The following PHF24 variants were observed in gnomAD, a reference collection of about 807,000 sequenced individuals.
PHF24 encodes Galpha inhibitory interacting protein.
A neutral mutation model predicts 42.6 loss-of-function variants in PHF24; 25 were observed. That is an observed-to-expected ratio of 0.59 (90% CI 0.43 to 0.82). PHF24 has a LOEUF of 0.82. Ranked by LOEUF, PHF24 falls within the 40% of genes least tolerant of loss-of-function variation. The probability of loss-of-function intolerance (pLI) is 0.00; values close to 1 mark genes in which losing one functional copy is unlikely to be tolerated. For synonymous variants in PHF24, 185 were observed against 204.8 expected (o/e 0.90, Z 0.83); for missense variants, 470 against 538.1 (o/e 0.87, Z 1.25).
the PHF24 span, among the ~76,000 whole-genome samples, chr9:34,856,382 T>C: frequency 1.3e-5 from 2 of 152,236 alleles, no homozygotes; most frequent in Non-Finnish European, 2.9e-5. Context: ...TATTTTTGTG[T>C]TGATTCTTTC....
chr9:34,764,563 A>C, the PHF24 span, among the ~76,000 whole-genome samples: 1 of 151,540 alleles, frequency 6.6e-6, no homozygotes, highest in Non-Finnish European at 1.5e-5. Context: ...ATCATTTTTT[A>C]TTGCGTCTAT....
the PHF24 span, among the ~76,000 whole-genome samples, chr9:34,823,583 C>A: frequency 6.6e-6 from 1 of 152,102 alleles, no homozygotes; most frequent in Non-Finnish European, 1.5e-5. Context: ...ATGTTCCATC[C>A]TGGAGACGTT....
At chr9:34,927,179 C>T in the PHF24 span, among the ~76,000 whole-genome samples, 1 of 152,176 alleles carries the variant, frequency 6.6e-6, no homozygotes, top group Non-Finnish European at 1.5e-5. Context: ...GACTGTTCAT[C>T]TGGCTGGAAG....
At chr9:34,717,618 C>T in the PHF24 span, among the ~76,000 whole-genome samples, 12 of 152,112 alleles carry the variant, frequency 7.9e-5, no homozygotes, top group African/African-American at 2.9e-4. Flanking sequence ...GCACGTGAAA[C>T]CAAAGCTATC....
the PHF24 span, among the ~76,000 whole-genome samples, chr9:34,745,834 G>T: frequency 6.6e-6 from 1 of 152,058 alleles, no homozygotes; most frequent in Middle Eastern, 3.4e-3. Context: ...CATTTCTCCT[G>T]CCAAGAACAA....
the PHF24 span, among the ~76,000 whole-genome samples, chr9:34,775,753 C>T: frequency 6.1e-4 from 93 of 152,226 alleles, no homozygotes; most frequent in African/African-American, 2.0e-3. Flanking sequence ...CCTAGATATT[C>T]GCCCAAGAGA....
At chr9:34,854,315 A>T in the PHF24 span, among the ~76,000 whole-genome samples, 3 of 144,158 alleles carry the variant, frequency 2.1e-5, no homozygotes, top group Non-Finnish European at 4.5e-5. Context: ...GTCTTCTGCT[A>T]GCTTTGGGAT....
chr9:34,859,338 G>T, the PHF24 span, among the ~76,000 whole-genome samples: 1 of 152,142 alleles, frequency 6.6e-6, no homozygotes, highest in Admixed American at 6.6e-5. Context: ...AATAAGGGTT[G>T]CTCTGTTCCT....
At chr9:34,776,597 TG>T in the PHF24 span, among the ~76,000 whole-genome samples, 1 of 152,236 alleles carries the variant, frequency 6.6e-6, no homozygotes, top group East Asian at 1.9e-4. Context: ...TATCCTGAAT[TG>T]TTTTCTGATT....
chr9:34,861,500 T>C, the PHF24 span, among the ~76,000 whole-genome samples: 13 of 152,248 alleles, frequency 8.5e-5, no homozygotes, highest in South Asian at 2.5e-3. Flanking sequence ...ACTTCTTCTG[T>C]GCCATAAAGT....
At chr9:34,711,140 A>G in the PHF24 span, among the ~76,000 whole-genome samples, 1 of 152,116 alleles carries the variant, frequency 6.6e-6, no homozygotes, top group Non-Finnish European at 1.5e-5. Context: ...ATCTTTATAC[A>G]TTGTGTTCCC....
chr9:34,690,113 G>A, the PHF24 span: 1 of 1,584,768 alleles, frequency 6.3e-7, no homozygotes, highest in Non-Finnish European at 8.7e-7. Flanking sequence ...TTTCCTTGAA[G>A]GGGTTGGGCT....
the PHF24 span, among the ~76,000 whole-genome samples, chr9:34,798,493 G>A: frequency 1.3e-5 from 2 of 152,148 alleles, no homozygotes; most frequent in African/African-American, 2.4e-5. Context: ...ACATTAATTT[G>A]CTTAGGATAA....
the PHF24 span, chr9:34,832,802 C>G: frequency 5.8e-6 from 9 of 1,551,384 alleles, no homozygotes; most frequent in Non-Finnish European, 7.8e-6. Flanking sequence ...AAGGCTGACC[C>G]TGTGAAGCTG....
the PHF24 span, among the ~76,000 whole-genome samples, chr9:34,809,958 G>A: frequency 5.3e-4 from 78 of 146,920 alleles, no homozygotes; most frequent in African/African-American, 1.8e-3. The surrounding 1 kb of genome is among the most constrained non-coding windows in gnomAD (Gnocchi z 4.1). Flanking sequence ...AACGCAGCGC[G>A]CGCCCACCTG....
At chr9:34,846,597 A>G in the PHF24 span, among the ~76,000 whole-genome samples, 1 of 151,900 alleles carries the variant, frequency 6.6e-6, no homozygotes, top group Non-Finnish European at 1.5e-5. Context: ...GAAGCTCTTT[A>G]GTTTAATTAG....
chr9:34,974,570 G>A (rs1196794110), intron 3 of PHF24, among the ~76,000 whole-genome samples: 1 of 152,038 alleles, frequency 6.6e-6, no homozygotes, highest in Non-Finnish European at 1.5e-5. Context: ...CTTAGTCTCT[G>A]ACCATTCTTT....
At chr9:34,959,204 G>C (rs1409128705) in intron 1 of PHF24, among the ~76,000 whole-genome samples, 1 of 152,202 alleles carries the variant, frequency 6.6e-6, no homozygotes, top group Non-Finnish European at 1.5e-5. Context: ...GTTTGACCGT[G>C]CGGAAGGAAG....
the PHF24 span, among the ~76,000 whole-genome samples, chr9:34,824,212 C>T: frequency 6.6e-6 from 1 of 152,176 alleles, no homozygotes; most frequent in Non-Finnish European, 1.5e-5. Context: ...GCCCTATAGG[C>T]CTGTATATCC....
Sources: allele counts gnomAD v4.1 joint callset (sites outside exome capture counted in the v4.1 genomes callset), GRCh38; gene constraint gnomAD v4.1.1; non-coding constraint Gnocchi (gnomAD v3.1); transcripts MANE v1.5; gene names NCBI Gene and HGNC (gene_info 2026-07-23, HGNC 2026-07-21).